The following LRRTM3 variants were observed in gnomAD, a reference collection of about 807,000 sequenced individuals.
LRRTM3 encodes leucine rich repeat transmembrane neuronal 3, also known as leucine-rich repeat transmembrane neuronal protein 3.
A neutral mutation model predicts 44.7 loss-of-function variants in LRRTM3; 24 were observed. The ratio of observed to expected loss-of-function variants is 0.54; its 90% CI spans 0.39 to 0.76. LRRTM3 has a LOEUF of 0.76. Ranked by LOEUF, LRRTM3 falls within the 30% of genes least tolerant of loss-of-function variation. The pLI is 0.00. For missense variants in LRRTM3, 587 were observed against 702.2 expected (o/e 0.84, Z 1.85); for synonymous variants, 277 against 278.7 (o/e 0.99, Z 0.06).
chr10:66,941,968 G>A (rs534740741), intron 2 of LRRTM3, among the ~76,000 whole-genome samples: 1 of 152,224 alleles, frequency 6.6e-6, no homozygotes, highest in South Asian at 2.1e-4. Flanking sequence ...GTGTAGGAGG[G>A]AGATCGTAGA....
chr10:67,092,592 T>C (rs1857720219), intron 2 of LRRTM3, among the ~76,000 whole-genome samples: 1 of 152,026 alleles, frequency 6.6e-6, no homozygotes, highest in Non-Finnish European at 1.5e-5. Context: ...ATAGTTAATA[T>C]GTGGTAAAAA....
Position 66,928,049 on chromosome 10 carries a change from C to T in LRRTM3, c.1133C>T (p.Pro378Leu). ...RFDLARALPK[P>L]TFKPKLPRPK... ...GATCTGGCCAGGGCTCTCCCAAAGC[C>T]GACGTTTAAGCCCAAGCTCCCCAGG... is the stretch of plus-strand genomic sequence containing the variant. Residue 378 changes from proline (P) to leucine (L), a missense_variant, in exon 2 of 3, where the codon CCG (proline) becomes CTG (leucine). Around this residue, in one of 3 missense-constraint regions of LRRTM3, gnomAD observed 315 missense variants for 335.6 expected, o/e 0.94. Coordinates refer to ENST00000361320, the MANE Select transcript of LRRTM3 (RefSeq NM_178011.5). 1 of 1,614,044 alleles carries T rather than the reference C, an allele frequency of 6.2e-7. No individual in the cohort carries two copies. The highest frequency in any genetic ancestry group is 1.3e-5 in the African/African-American group (1 of 75,050).
intron 2 of LRRTM3, among the ~76,000 whole-genome samples, chr10:67,043,867 A>C (rs1005155532): frequency 6.6e-6 from 1 of 151,366 alleles, no homozygotes; most frequent in Admixed American, 6.7e-5. Flanking sequence ...TATATGCCCA[A>C]CATTCTGTTC....
intron 2 of LRRTM3, among the ~76,000 whole-genome samples, chr10:66,999,167 T>C (rs6480246): frequency 0.31 from 47,633 of 152,046 alleles, 8,668 homozygotes; most frequent in East Asian, 0.52. Context: ...TTTCAATTGA[T>C]GGTTTGCACT....
At chr10:67,054,263 TA>T (rs1308006462) in intron 2 of LRRTM3, among the ~76,000 whole-genome samples, 3 of 152,040 alleles carry the variant, frequency 2.0e-5, no homozygotes, top group African/African-American at 7.2e-5. Flanking sequence ...TGTGGAGATA[TA>T]AAAATTTACC....
At chr10:66,953,940 C>A (rs1848666174) in intron 2 of LRRTM3, among the ~76,000 whole-genome samples, 1 of 152,072 alleles carries the variant, frequency 6.6e-6, no homozygotes, top group African/African-American at 2.4e-5. Context: ...ATAATAAAAT[C>A]TATCTCAAAA....
chr10:67,060,125 G>C (rs1209372855), intron 2 of LRRTM3, among the ~76,000 whole-genome samples: 2 of 151,988 alleles, frequency 1.3e-5, no homozygotes, highest in African/African-American at 4.8e-5. Flanking sequence ...AGACCAGCCT[G>C]GGCAACATGG....
intron 2 of LRRTM3, among the ~76,000 whole-genome samples, chr10:66,975,904 T>C (rs777442829): frequency 9.2e-5 from 14 of 152,210 alleles, no homozygotes; most frequent in African/African-American, 2.2e-4. Flanking sequence ...TACCTCCTTA[T>C]AGGAAAATAT....
intron 2 of LRRTM3, among the ~76,000 whole-genome samples, chr10:66,993,123 A>G (rs1431654782): frequency 1.3e-5 from 2 of 152,178 alleles, no homozygotes; most frequent in African/African-American, 4.8e-5. Flanking sequence ...CCTCATTCGC[A>G]TGGTTGACTA....
At chr10:67,023,393 C>T (rs1853149627) in intron 2 of LRRTM3, among the ~76,000 whole-genome samples, 1 of 152,112 alleles carries the variant, frequency 6.6e-6, no homozygotes, top group South Asian at 2.1e-4. Flanking sequence ...AGGAAAGAAG[C>T]ATCAAACTTC....
At chr10:67,077,451 C>T (rs1371870048) in intron 2 of LRRTM3, among the ~76,000 whole-genome samples, 3 of 152,154 alleles carry the variant, frequency 2.0e-5, no homozygotes, top group Non-Finnish European at 4.4e-5. Context: ...CCCCATCCTG[C>T]CATATCCCTG....
intron 1 of LRRTM3, 50 bp from the exon 2 acceptor site, chr10:66,926,871 A>G (rs561078205): frequency 6.7e-7 from 1 of 1,488,226 alleles, no homozygotes; most frequent in African/African-American, 1.4e-5. Flanking sequence ...TTGATTAAGG[A>G]TTAATTCTTT....
intron 2 of LRRTM3, among the ~76,000 whole-genome samples, chr10:67,091,900 T>G (rs1857666690): frequency 6.6e-6 from 1 of 151,988 alleles, no homozygotes; most frequent in African/African-American, 2.4e-5. Context: ...TTGAAACAAA[T>G]TTAAAGACAA....
At chr10:67,076,278 A>G (rs1856743847) in intron 2 of LRRTM3, among the ~76,000 whole-genome samples, 1 of 152,240 alleles carries the variant, frequency 6.6e-6, no homozygotes, top group African/African-American at 2.4e-5. Flanking sequence ...ACTGGATCTT[A>G]AGGCTAAAAT....
rs1006885324 is a variant in LRRTM3, at chr10:67,098,600, T to G, written c.*804T>G. The G allele has an allele frequency of 2.0e-5, 3 of 152,348 alleles. No homozygotes were observed. The highest frequency in any genetic ancestry group is 7.2e-5 in the African/African-American group (3 of 41,392). The allele number at this position is 152,348 out of a possible 1,614,324, so 9.4% of individuals were successfully genotyped here. ...ATTTCCGAATGAATGACTCATTATT[T>G]CATTCTTTTGAGTAACCATTGTTAA... On this transcript the variant is annotated 3_prime_UTR_variant, in exon 3 of 3. Coordinates refer to ENST00000361320, the MANE Select transcript of LRRTM3 (RefSeq NM_178011.5).
intron 2 of LRRTM3, among the ~76,000 whole-genome samples, chr10:67,033,852 C>T (rs1415941403): frequency 6.6e-6 from 1 of 152,066 alleles, no homozygotes; most frequent in Non-Finnish European, 1.5e-5. Context: ...CTCACCGCAA[C>T]CTCTGCCTCC....
At chr10:66,991,607 A>C (rs1851041823) in intron 2 of LRRTM3, among the ~76,000 whole-genome samples, 1 of 152,128 alleles carries the variant, frequency 6.6e-6, no homozygotes. Flanking sequence ...GCTGGAGTGC[A>C]ATGGCGTGAT....
chr10:66,980,701 C>T (rs1274347527), intron 2 of LRRTM3, among the ~76,000 whole-genome samples: 5 of 152,176 alleles, frequency 3.3e-5, no homozygotes, highest in Non-Finnish European at 7.3e-5. Context: ...ATTGTGCCAA[C>T]TGAACCCTCC....
Position 66,927,069 on chromosome 10 carries a change from A to C in LRRTM3, c.153A>C (p.Lys51Asn). 2 of 1,614,182 alleles carry C rather than the reference A, an allele frequency of 1.2e-6. No individual in the cohort carries two copies. Among genetic ancestry groups the C allele is most frequent in the Non-Finnish European group, 1.7e-6 (2 of 1,180,040 alleles). Residue 51 changes from lysine (K) to asparagine (N), a missense_variant, in exon 2 of 3, where the codon AAA becomes AAC. Transcript: ENST00000361320. This position sits in a 1 kb window ranked among gnomAD's most constrained non-coding sequence, Gnocchi z 4.7. ...AAATGGTATATTGTGAATCTCAGAA[A>C]TTACAGGAGATACCCTCAAGTATAT... is the stretch of plus-strand genomic sequence containing the variant. ...EGKMVYCESQ[K>N]LQEIPSSISA...
Sources: gnomAD v4.1 joint callset for allele counts (sites outside exome capture counted in the v4.1 genomes callset) on GRCh38, gnomAD v4.1.1 for gene constraint, gnomAD v4.1.1 regional missense constraint, Gnocchi (gnomAD v3.1) non-coding constraint, MANE v1.5 for transcripts, NCBI Gene and HGNC (gene_info 2026-07-23, HGNC 2026-07-21) for gene names.